Variants in FBXL17 observed in about 807,000 individuals in gnomAD.
The protein encoded by FBXL17 is F-box and leucine rich repeat protein 17, also known as F-box/LRR-repeat protein 17.
Under a neutral mutation model 66.2 loss-of-function variants are expected in FBXL17, and 22 were observed. The ratio of observed to expected loss-of-function variants is 0.33; its 90% CI spans 0.24 to 0.47. The LOEUF is 0.47. FBXL17 is among the 20% of genes least tolerant of loss of function. The pLI is 1.00. For missense variants in FBXL17, 878 were observed against 948.2 expected, an observed-to-expected ratio of 0.93 and a Z score of 0.97; for synonymous variants, 474 against 400.5, an observed-to-expected ratio of 1.18 and a Z score of -2.19.
intron 5 of FBXL17, among the ~76,000 whole-genome samples, chr5:108,204,407 A>T (rs1754026218): frequency 6.6e-6 from 1 of 152,020 alleles, no homozygotes; most frequent in Non-Finnish European, 1.5e-5. Context: ...GCTGGTCTTG[A>T]ACTCCTGGCC....
chr5:107,897,909 AAAAG>A (rs140620990), intron 7 of FBXL17, among the ~76,000 whole-genome samples: 16 of 151,056 alleles, frequency 1.1e-4, no homozygotes, highest in African/African-American at 3.2e-4. Context: ...GATATGATAA[AAAAG>A]AAAGAAAGAA....
chr5:108,125,315 ATAAG>A (rs1270321271), intron 6 of FBXL17, among the ~76,000 whole-genome samples: 1 of 152,092 alleles, frequency 6.6e-6, no homozygotes, highest in Non-Finnish European at 1.5e-5. Context: ...AATTAAATAA[ATAAG>A]TAAGGGATAG....
intron 7 of FBXL17, among the ~76,000 whole-genome samples, chr5:107,883,144 T>C (rs989421731): frequency 3.9e-5 from 6 of 152,352 alleles, no homozygotes; most frequent in Admixed American, 2.6e-4. Flanking sequence ...ACGTTCTATG[T>C]GCCAGGCCCT....
intron 6 of FBXL17, among the ~76,000 whole-genome samples, chr5:108,095,237 C>T (rs1368479223): frequency 2.0e-5 from 3 of 149,024 alleles, no homozygotes; most frequent in Non-Finnish European, 4.5e-5. Flanking sequence ...TTTATAAATA[C>T]CATCAAATGG....
At chr5:108,041,154 A>G (rs907429736) in intron 6 of FBXL17, among the ~76,000 whole-genome samples, 6 of 152,202 alleles carry the variant, frequency 3.9e-5, no homozygotes, top group Non-Finnish European at 7.4e-5. Context: ...GGTAGCTACT[A>G]TTATTAAATA....
intron 8 of FBXL17, among the ~76,000 whole-genome samples, chr5:107,868,489 T>C (rs987866643): frequency 3.3e-5 from 5 of 152,370 alleles, no homozygotes; most frequent in African/African-American, 4.8e-5. Flanking sequence ...GCTGCAGGCC[T>C]GACCACGGGC....
At chr5:108,007,615 G>A (rs963770695) in intron 7 of FBXL17, among the ~76,000 whole-genome samples, 6 of 149,156 alleles carry the variant, frequency 4.0e-5, no homozygotes. Context: ...AAAAACTTGG[G>A]AAATTATAGT....
chr5:108,194,813 G>T (rs1270308744), intron 5 of FBXL17, among the ~76,000 whole-genome samples: 2 of 152,136 alleles, frequency 1.3e-5, no homozygotes, highest in Non-Finnish European at 2.9e-5. Flanking sequence ...TGACGGCCAG[G>T]CCCCATACTT....
At chr5:107,998,728 T>C (rs1031649101) in intron 7 of FBXL17, among the ~76,000 whole-genome samples, 1 of 152,094 alleles carries the variant, frequency 6.6e-6, no homozygotes, top group African/African-American at 2.4e-5. Context: ...CTCTAACATC[T>C]TCCTTATTGT....
chr5:108,237,290 T>C (rs1755649843), intron 4 of FBXL17, among the ~76,000 whole-genome samples: 1 of 152,158 alleles, frequency 6.6e-6, no homozygotes, highest in Admixed American at 6.6e-5. Context: ...GAAGATGAGG[T>C]ACAGTCTCTG....
intron 4 of FBXL17, among the ~76,000 whole-genome samples, chr5:108,294,928 A>G (rs918554337): frequency 1.1e-4 from 16 of 152,076 alleles, no homozygotes; most frequent in African/African-American, 2.4e-5. Context: ...AAAAACACCT[A>G]TGTTAGGTCT....
At chr5:107,959,356 T>C (rs1751799223) in intron 7 of FBXL17, among the ~76,000 whole-genome samples, 1 of 148,396 alleles carries the variant, frequency 6.7e-6, no homozygotes, top group Non-Finnish European at 1.5e-5. Flanking sequence ...GTCATGGTCA[T>C]TATTTAACAT....
rs577436996 is a variant in FBXL17, at chr5:107,896,681, C to T, written c.1823-15502G>A. On this transcript the variant is annotated intron_variant, in intron 7 of 8. Transcript: ENST00000542267. ...ATGCTCCCAAGAAGCAGAGAAAAGC[C>T]ATGACATTACAAGAAAAAGTTGAAT... Among the ~76,000 whole-genome samples the T allele has an allele frequency of 1.8e-4, 28 of 152,242 alleles. No individual in the cohort carries two copies. In the South Asian group the frequency reaches 2.1e-3, roughly 11 times the overall value.
At chr5:108,265,929 G>C (rs1757028451) in intron 4 of FBXL17, among the ~76,000 whole-genome samples, 1 of 152,082 alleles carries the variant, frequency 6.6e-6, no homozygotes, top group Non-Finnish European at 1.5e-5. Flanking sequence ...CTACAATTAA[G>C]TTTAACTTTT....
At chr5:108,009,282 T>TAGATAGATAG (rs1216444049) in intron 7 of FBXL17, among the ~76,000 whole-genome samples, 8 of 54,758 alleles carry the variant, frequency 1.5e-4, no homozygotes, top group African/African-American at 9.0e-4. Context: ...TATATATATA[T>TAGATAGATAG]ATATATATAT....
chr5:107,872,906 C>A (rs1451238406), intron 8 of FBXL17, among the ~76,000 whole-genome samples: 1 of 152,138 alleles, frequency 6.6e-6, no homozygotes, highest in Non-Finnish European at 1.5e-5. Context: ...AAATGGAAGA[C>A]AAGAGACAAA....
chr5:108,018,248 A>G (rs548576796), intron 7 of FBXL17, among the ~76,000 whole-genome samples: 12 of 152,120 alleles, frequency 7.9e-5, no homozygotes, highest in Non-Finnish European at 1.3e-4. Flanking sequence ...AGTAGCTTCA[A>G]TAATCAAAAA....
intron 4 of FBXL17, among the ~76,000 whole-genome samples, chr5:108,254,885 C>T (rs1345275079): frequency 1.3e-5 from 2 of 152,174 alleles, no homozygotes; most frequent in East Asian, 1.9e-4. Flanking sequence ...TGCCTATCTA[C>T]ATACACACCA....
At chr5:108,099,427 A>G (rs766863608) in intron 6 of FBXL17, among the ~76,000 whole-genome samples, 1 of 152,216 alleles carries the variant, frequency 6.6e-6, no homozygotes, top group Non-Finnish European at 1.5e-5. Flanking sequence ...TCATAGGAAA[A>G]CGAAGACCCA....
Sources: gnomAD v4.1 joint callset for allele counts (sites outside exome capture counted in the v4.1 genomes callset) on GRCh38, gnomAD v4.1.1 for gene constraint, MANE v1.5 for transcripts, NCBI Gene and HGNC (gene_info 2026-07-23, HGNC 2026-07-21) for gene names.